The following CCDC7 variants were observed in gnomAD, a reference collection of about 807,000 sequenced individuals.
CCDC7 encodes the protein coiled-coil domain containing 7.
In CCDC7, 183 loss-of-function variants were observed where a neutral mutation model predicts 196.9. The ratio of observed to expected loss-of-function variants is 0.93; its 90% confidence interval spans 0.82 to 1.05. The LOEUF is 1.05. Among genes scored for constraint, CCDC7 ranks in the 50% least tolerant of loss-of-function variants. The pLI, the probability that CCDC7 is intolerant of heterozygous loss-of-function variation, is 0.00. For synonymous variants in CCDC7, 525 were observed against 484.6 expected, an observed-to-expected ratio of 1.08 and a Z score of -1.10; for missense variants, 1,540 against 1,482.2, an observed-to-expected ratio of 1.04 and a Z score of -0.64.
intron 24 of CCDC7, among the ~76,000 whole-genome samples, chr10:32,708,270 T>C (rs1454282964): frequency 6.6e-6 from 1 of 152,210 alleles, no homozygotes; most frequent in Non-Finnish European, 1.5e-5. Context: ...GCTAGCCATA[T>C]GGAGAAAGCT....
chr10:32,858,769 A>G (rs971719503), intron 41 of CCDC7, among the ~76,000 whole-genome samples: 5 of 152,202 alleles, frequency 3.3e-5, no homozygotes, highest in Non-Finnish European at 7.3e-5. Context: ...AGGGATTGCA[A>G]TCTTAGTCTC....
intron 13 of CCDC7, among the ~76,000 whole-genome samples, chr10:32,564,058 C>G (rs1188549909): frequency 2.6e-5 from 4 of 152,094 alleles, no homozygotes; most frequent in Non-Finnish European, 5.9e-5. Context: ...AAATGCTCAT[C>G]ATCACTGGCC....
intron 18 of CCDC7, among the ~76,000 whole-genome samples, chr10:32,604,497 C>G (rs556135450): frequency 2.6e-5 from 4 of 152,132 alleles, no homozygotes; most frequent in African/African-American, 9.6e-5. Context: ...TGCATTGAAA[C>G]TGTAGTTTGC....
rs61495038 is a variant in CCDC7, at chr10:32,769,383, A to ATT, written c.2906-9586_2906-9585dup. On this transcript the variant is annotated intron_variant, in intron 28 of 41. Coordinates refer to ENST00000639629, the Ensembl canonical transcript of CCDC7. ...TTCATATCTGATTATGTTTACTTGG[A>ATT]TTTTTTTTTGGTTAGTCTAGATAGT... Among the ~76,000 whole-genome samples, 18 of 150,594 alleles carry ATT rather than the reference A, an allele frequency of 1.2e-4. No individual in the cohort carries two copies. In the South Asian group the frequency reaches 1.3e-3, roughly 10 times the overall value.
intron 25 of CCDC7, among the ~76,000 whole-genome samples, chr10:32,724,763 A>C (rs1421016477): frequency 6.6e-6 from 1 of 152,086 alleles, no homozygotes; most frequent in Non-Finnish European, 1.5e-5. Context: ...CTACTCCCTC[A>C]CAAGAAGGAC....
intron 28 of CCDC7, among the ~76,000 whole-genome samples, chr10:32,764,715 A>G (rs1481573395): frequency 6.6e-6 from 1 of 152,032 alleles, no homozygotes; most frequent in African/African-American, 2.4e-5. Context: ...ACTGTGAGAA[A>G]TGTGAAGACA....
chr10:32,496,797 A>G (rs2042978604), intron 9 of CCDC7, among the ~76,000 whole-genome samples: 1 of 152,124 alleles, frequency 6.6e-6, no homozygotes, highest in African/African-American at 2.4e-5. Context: ...GTTTATCAGT[A>G]TTTTATTGAG....
At chr10:32,540,206 T>G (rs1279364863) in intron 11 of CCDC7, among the ~76,000 whole-genome samples, 1 of 152,202 alleles carries the variant, frequency 6.6e-6, no homozygotes. Context: ...GGCGGTCCTA[T>G]GTTGGGTGTG....
chr10:32,474,044 G>A (rs1230449213), intron 8 of CCDC7, 21 bp downstream of exon 9: 1 of 1,607,016 alleles, frequency 6.2e-7, no homozygotes, highest in Admixed American at 1.7e-5. Flanking sequence ...ACTCATTAAA[G>A]CATTATTGTG....
At chr10:32,845,378 T>C in intron 34 of CCDC7, 52 bp downstream of exon 35, 1 of 1,377,990 alleles carries the variant, frequency 7.3e-7, no homozygotes, top group Non-Finnish European at 1.0e-6. Context: ...TGATATTCCC[T>C]GAGTTAAATT....
At chr10:32,693,847 T>C (rs888630480) in intron 23 of CCDC7, among the ~76,000 whole-genome samples, 17 of 152,156 alleles carry the variant, frequency 1.1e-4, no homozygotes, top group African/African-American at 4.1e-4. Context: ...CGCCCTGATA[T>C]GGCATAGCAT....
intron 9 of CCDC7, chr10:32,511,606 C>G (rs2046220590): frequency 1.9e-6 from 3 of 1,593,454 alleles, no homozygotes; most frequent in South Asian, 2.2e-5. Context: ...GATCCAACTT[C>G]TGCAACAACT....
Position 32,845,960 on chromosome 10 carries a change from G to A in CCDC7, c.3604+1G>A, listed in dbSNP as rs1269487426. 1 of 1,603,684 alleles carries A rather than the reference G, an allele frequency of 6.2e-7. No homozygotes were observed. On this transcript the variant is annotated splice_donor_variant, in intron 36 of 41. Transcript: ENST00000639629. LOFTEE classifies it high-confidence loss of function. ...ACTACACAACTGAAGAGTCACCGAG[G>A]TAAGAGAAAGAATTTTTCAAGTCTA...
intron 20 of CCDC7, among the ~76,000 whole-genome samples, chr10:32,641,796 G>A (rs2066851965): frequency 6.6e-6 from 1 of 152,046 alleles, no homozygotes; most frequent in Admixed American, 6.6e-5. Context: ...TCTACCTTTG[G>A]TCTTTGATGA....
At chr10:32,745,595 G>A (rs1413016045) in intron 28 of CCDC7, among the ~76,000 whole-genome samples, 6 of 152,218 alleles carry the variant, frequency 3.9e-5, no homozygotes, top group Non-Finnish European at 2.9e-5. Flanking sequence ...TGAGGGACCT[G>A]CCCTCATGAC....
intron 22 of CCDC7, 107 bp downstream of exon 23, chr10:32,686,187 C>T (rs112598961): frequency 1.8e-6 from 1 of 569,206 alleles, no homozygotes; most frequent in Non-Finnish European, 3.0e-6. Flanking sequence ...TTACCTTGAA[C>T]CTAAAGTATG....
chr10:32,868,326 A>G (rs949290117), intron 41 of CCDC7, among the ~76,000 whole-genome samples: 1 of 151,698 alleles, frequency 6.6e-6, no homozygotes, highest in African/African-American at 2.4e-5. Context: ...TTTTTTGAGA[A>G]CTCACCATAC....
At chr10:32,582,803 T>C (rs1345966299) in intron 16 of CCDC7, among the ~76,000 whole-genome samples, 1 of 152,162 alleles carries the variant, frequency 6.6e-6, no homozygotes, top group Non-Finnish European at 1.5e-5. Context: ...AATGATTATA[T>C]TGGAGTATTT....
At chr10:32,859,297 A>G (rs1172120906) in intron 41 of CCDC7, among the ~76,000 whole-genome samples, 2 of 152,212 alleles carry the variant, frequency 1.3e-5, no homozygotes, top group African/African-American at 4.8e-5. Context: ...TGGAAACTGA[A>G]CAACCTGCTC....
Sources: gnomAD v4.1 joint callset for allele counts (sites outside exome capture counted in the v4.1 genomes callset) on GRCh38, gnomAD v4.1.1 for gene constraint, MANE v1.5 for transcripts, NCBI Gene and HGNC (gene_info 2026-07-23, HGNC 2026-07-21) for gene names.